Variants in EPHA6 observed in about 807,000 individuals in gnomAD.
EPHA6 encodes the protein ephrin type-A receptor 6.
Under a neutral mutation model 112.0 loss-of-function variants are expected in EPHA6, and 50 were observed. That is an observed-to-expected ratio of 0.45 (90% CI 0.36 to 0.56). The LOEUF (loss-of-function observed/expected upper bound fraction) is 0.56. Ranked by LOEUF, EPHA6 falls within the 20% of genes least tolerant of loss-of-function variation. The pLI is 0.00. For missense variants in EPHA6, 1,280 were observed against 1,417.4 expected (o/e 0.90, Z 1.56); for synonymous variants, 529 against 490.7 (o/e 1.08, Z -1.03).
chr3:97,283,590 C>A (rs1685212113), intron 5 of EPHA6, among the ~76,000 whole-genome samples: 1 of 151,912 alleles, frequency 6.6e-6, no homozygotes, highest in East Asian at 1.9e-4. Flanking sequence ...ACACATCACA[C>A]ACCGGAGCCT....
chr3:97,655,585 C>T (rs1398034435), intron 14 of EPHA6, among the ~76,000 whole-genome samples: 4 of 151,878 alleles, frequency 2.6e-5, no homozygotes, highest in Non-Finnish European at 5.9e-5. Context: ...CCGCAATAAA[C>T]ATACGTGTGC....
chr3:97,215,957 AGGAATAAGGGTATAT>A (rs373184538), intron 3 of EPHA6, among the ~76,000 whole-genome samples: 1 of 152,308 alleles, frequency 6.6e-6, no homozygotes, highest in East Asian at 1.9e-4. Context: ...ATTCACTAAC[AGGAATAAGGGTATAT>A]GGAATGTTTA....
intron 6 of EPHA6, among the ~76,000 whole-genome samples, chr3:97,424,310 T>G (rs1577349296): frequency 6.6e-6 from 1 of 152,258 alleles, no homozygotes. Flanking sequence ...GAGATTTTGG[T>G]GGGGACACAG....
chr3:97,391,998 A>T (rs928651891), intron 5 of EPHA6, among the ~76,000 whole-genome samples: 3 of 151,836 alleles, frequency 2.0e-5, no homozygotes, highest in African/African-American at 7.2e-5. Context: ...TCTAATTTTC[A>T]TAAAGCTTCA....
intron 15 of EPHA6, among the ~76,000 whole-genome samples, chr3:97,724,166 A>G (rs2034651550): frequency 6.6e-6 from 1 of 152,158 alleles, no homozygotes; most frequent in Non-Finnish European, 1.5e-5. Context: ...ATGATTTTAA[A>G]TTAGTTTAAG....
At chr3:97,257,710 G>C (rs971962326) in intron 5 of EPHA6, among the ~76,000 whole-genome samples, 1 of 151,982 alleles carries the variant, frequency 6.6e-6, no homozygotes, top group Non-Finnish European at 1.5e-5. Context: ...TAGAAAAACT[G>C]TATGTGTATA....
intron 2 of EPHA6, among the ~76,000 whole-genome samples, chr3:96,912,615 G>T: frequency 6.6e-6 from 1 of 152,058 alleles, no homozygotes; most frequent in East Asian, 1.9e-4. Flanking sequence ...TGAAAAGGGG[G>T]TTCACTCTGT....
At chr3:97,173,740 A>G (rs770900943) in intron 3 of EPHA6, among the ~76,000 whole-genome samples, 7 of 151,778 alleles carry the variant, frequency 4.6e-5, no homozygotes, top group Non-Finnish European at 8.9e-5. Context: ...AAAGTAACAA[A>G]TGACACATTT....
At chr3:97,059,723 A>G (rs1417510461) in intron 3 of EPHA6, among the ~76,000 whole-genome samples, 2 of 149,218 alleles carry the variant, frequency 1.3e-5, no homozygotes, top group Non-Finnish European at 2.9e-5. Flanking sequence ...AATAAATATA[A>G]TGATAAGTGT....
intron 5 of EPHA6, among the ~76,000 whole-genome samples, chr3:97,300,805 C>T (rs568805914): frequency 2.6e-5 from 4 of 151,938 alleles, no homozygotes; most frequent in Admixed American, 2.6e-4. Context: ...CATGACCTTA[C>T]ACGTTCAAGT....
intron 12 of EPHA6, among the ~76,000 whole-genome samples, chr3:97,603,270 G>A (rs1270725156): frequency 1.3e-5 from 2 of 151,892 alleles, no homozygotes; most frequent in Non-Finnish European, 2.9e-5. Flanking sequence ...GAATATTACT[G>A]AGGTCAACTG....
At chr3:97,169,686 A>AGCCATTTAT (rs1425019968) in intron 3 of EPHA6, among the ~76,000 whole-genome samples, 1 of 152,202 alleles carries the variant, frequency 6.6e-6, no homozygotes. Flanking sequence ...CGTAAAATGC[A>AGCCATTTAT]GCCATTTATG....
chr3:96,977,998 A>C (rs2042601502), intron 2 of EPHA6, among the ~76,000 whole-genome samples: 1 of 152,048 alleles, frequency 6.6e-6, no homozygotes, highest in Non-Finnish European at 1.5e-5. Flanking sequence ...ATCTCTACCC[A>C]AAATACAAAA....
intron 5 of EPHA6, among the ~76,000 whole-genome samples, chr3:97,404,510 A>T (rs1350790703): frequency 6.6e-6 from 1 of 152,170 alleles, no homozygotes; most frequent in Non-Finnish European, 1.5e-5. Flanking sequence ...TAGTTTAGTT[A>T]TATGTTAGAA....
intron 10 of EPHA6, among the ~76,000 whole-genome samples, chr3:97,526,927 C>T (rs1309789256): frequency 2.0e-5 from 3 of 152,010 alleles, no homozygotes; most frequent in Non-Finnish European, 2.9e-5. Context: ...CAGAGAGGGG[C>T]TAGAGCTGAG....
At chr3:97,019,337 T>G (rs1192207407) in intron 3 of EPHA6, among the ~76,000 whole-genome samples, 1 of 152,142 alleles carries the variant, frequency 6.6e-6, no homozygotes, top group African/African-American at 2.4e-5. Flanking sequence ...TCTGTGGCCT[T>G]GGGTAATTTT....
At chr3:97,699,292 G>A (rs916232686) in intron 14 of EPHA6, among the ~76,000 whole-genome samples, 2 of 152,146 alleles carry the variant, frequency 1.3e-5, no homozygotes, top group Non-Finnish European at 2.9e-5. Flanking sequence ...ATTCAAAAAT[G>A]TTTTCATGAG....
chr3:97,557,401 C>T (rs1162400528), intron 11 of EPHA6, among the ~76,000 whole-genome samples: 1 of 151,844 alleles, frequency 6.6e-6, no homozygotes, highest in Non-Finnish European at 1.5e-5. Context: ...ATCTCTTTTT[C>T]TGACAATTGC....
intron 5 of EPHA6, among the ~76,000 whole-genome samples, chr3:97,277,822 G>A (rs775550083): frequency 6.6e-6 from 1 of 152,210 alleles, no homozygotes; most frequent in Non-Finnish European, 1.5e-5. Flanking sequence ...CAGTGAGTGA[G>A]TGAGCAGTGA....
Sources: allele counts gnomAD v4.1 joint callset (sites outside exome capture counted in the v4.1 genomes callset), GRCh38; gene constraint gnomAD v4.1.1; transcripts MANE v1.5; gene names NCBI Gene and HGNC (gene_info 2026-07-23, HGNC 2026-07-21).